The following CUBN variants were observed in gnomAD, a reference collection of about 807,000 sequenced individuals.
CUBN encodes 460 kDa receptor.
A neutral mutation model predicts 405.3 loss-of-function variants in CUBN; 282 were observed. That is an observed-to-expected ratio of 0.70 (90% confidence interval 0.63 to 0.77). The LOEUF (loss-of-function observed/expected upper bound fraction) is 0.77. CUBN is among the 30% of genes least tolerant of loss of function. The pLI, the probability that CUBN is intolerant of heterozygous loss-of-function variation, is 0.00. For missense variants in CUBN, 4,514 were observed against 4,475.2 expected (o/e 1.01, Z -0.25); for synonymous variants, 1,684 against 1,617.0 (o/e 1.04, Z -0.99).
At chr10:17,085,858 T>G in intron 15 of CUBN, 99 bp from the exon 16 acceptor site, 1 of 1,155,000 alleles carries the variant, frequency 8.7e-7, no homozygotes, top group South Asian at 1.3e-5. Context: ...CATTTAAAAG[T>G]GATCGCTCAA....
intron 45 of CUBN, among the ~76,000 whole-genome samples, chr10:16,916,392 C>A (rs1841885701): frequency 6.6e-6 from 1 of 152,190 alleles, no homozygotes; most frequent in Non-Finnish European, 1.5e-5. Context: ...ATCTGGCCTG[C>A]CTAGTACCCT....
chr10:16,835,032 G>A lies in CUBN; in HGVS notation c.10344C>T (p.Cys3448=). 6.2e-7 allele frequency: 1 copy of A among 1,614,024 alleles called. No homozygotes were observed. Among genetic ancestry groups the A allele is most frequent in the Non-Finnish European group, 8.5e-7 (1 of 1,179,904 alleles). ...HSLGIENSVE[C]RNDFLEVRNG... ...ATATCACCTCCAAGAAATCGTTTCT[G>A]CATTCAACTGAGTTCTCGATGCCAA... Residue 3448 remains cysteine (C), a synonymous_variant, in exon 64 of 67, where the codon TGC becomes TGT. Transcript: ENST00000377833.
chr10:17,008,350 G>GTGTC (rs1268846257), intron 28 of CUBN, among the ~76,000 whole-genome samples: 1 of 147,456 alleles, frequency 6.8e-6, no homozygotes, highest in Non-Finnish European at 1.5e-5. Context: ...GTGTGTGTGT[G>GTGTC]TGTGGTGTGT....
intron 4 of CUBN, among the ~76,000 whole-genome samples, chr10:17,124,176 T>C (rs2131324772): frequency 6.6e-6 from 1 of 152,288 alleles, no homozygotes; most frequent in Non-Finnish European, 1.5e-5. Flanking sequence ...TGGGTTAAGG[T>C]GACTGAACTC....
chr10:16,824,772 G>A lies in CUBN; in HGVS notation c.*203C>T, dbSNP rs769041830. 6.2e-5 allele frequency: 33 copies of A among 535,526 alleles called. No individual in the cohort carries two copies. Among genetic ancestry groups the A allele is most frequent in the Middle Eastern group, 5.0e-4 (1 of 1,988 alleles). The allele number at this position is 535,526 out of a possible 1,614,324, so 33.2% of individuals were successfully genotyped here. ...TGACCTCAGGTGATCAACCTGCCTCGGCCTCCCAAAGTGCTGAGAATACAG... is the reference window on the plus strand; with the variant it reads ...TGACCTCAGGTGATCAACCTGCCTCAGCCTCCCAAAGTGCTGAGAATACAG... On this transcript the variant is annotated 3_prime_UTR_variant, in exon 67 of 67. Transcript: ENST00000377833.
chr10:16,931,507 A>C (rs1842365005), intron 40 of CUBN, among the ~76,000 whole-genome samples: 1 of 152,172 alleles, frequency 6.6e-6, no homozygotes, highest in Non-Finnish European at 1.5e-5. Context: ...CACGCACCTG[A>C]GTTTCTTTAG....
intron 44 of CUBN, among the ~76,000 whole-genome samples, chr10:16,919,102 T>C (rs1181580979): frequency 6.6e-6 from 1 of 152,228 alleles, no homozygotes; most frequent in Non-Finnish European, 1.5e-5. Context: ...AATTAGTCCC[T>C]AGGAATTTCA....
chr10:16,896,443 T>C (rs777691743), intron 54 of CUBN, among the ~76,000 whole-genome samples: 17 of 152,314 alleles, frequency 1.1e-4, no homozygotes, highest in Non-Finnish European at 1.9e-4. Flanking sequence ...ATAAAATGTA[T>C]GGTTGACAAT....
chr10:17,127,775 A>G, intron 3 of CUBN, 54 bp downstream of exon 3: 1 of 1,324,934 alleles, frequency 7.5e-7, no homozygotes, highest in South Asian at 1.2e-5. Flanking sequence ...GGTTACTTAT[A>G]CAATAGAACT....
At chr10:17,030,540 G>T (rs1834766232) in intron 27 of CUBN, among the ~76,000 whole-genome samples, 1 of 152,148 alleles carries the variant, frequency 6.6e-6, no homozygotes, top group African/African-American at 2.4e-5. Context: ...GTAGGTAGAG[G>T]TTTAGTAATT....
At chr10:17,006,207 G>C (rs1834020633) in intron 28 of CUBN, among the ~76,000 whole-genome samples, 1 of 152,184 alleles carries the variant, frequency 6.6e-6, no homozygotes, top group South Asian at 2.1e-4. Flanking sequence ...AATATGTGCT[G>C]GATGGTTGGT....
At chr10:17,097,229 T>C (rs186134259) in intron 14 of CUBN, among the ~76,000 whole-genome samples, 1 of 152,000 alleles carries the variant, frequency 6.6e-6, no homozygotes. Context: ...ATAACATAAA[T>C]TATCAATATC....
intron 26 of CUBN, among the ~76,000 whole-genome samples, 157 bp from the exon 27 acceptor site, chr10:17,041,377 G>C (rs1181369444): frequency 1.3e-5 from 2 of 151,708 alleles, no homozygotes; most frequent in East Asian, 1.9e-4. Flanking sequence ...TACACACACA[G>C]AGACACACAC....
chr10:16,839,059 T>C (rs1839263837), intron 62 of CUBN, among the ~76,000 whole-genome samples: 1 of 152,162 alleles, frequency 6.6e-6, no homozygotes, highest in African/African-American at 2.4e-5. Context: ...ATTCAACCTA[T>C]ACATAAATCC....
In CUBN at chr10:16,916,004, G is replaced by T; in HGVS notation, c.7027C>A (p.Gln2343Lys). ...IAQCGGRVPG[Q>K]SGVVESIGHP... ...CCAATGCTTTCAACAACACCACTTT[G>T]CCCTGGTACTCTTCCCCCACACTGA... Residue 2343 changes from glutamine (Q) to lysine (K), a missense_variant, in exon 46 of 67, where the codon CAA becomes AAA. This residue lies in a region of CUBN where 1,613 missense variants were observed against 1,542.8 expected (regional missense o/e 1.05). Transcript: ENST00000377833. The T allele has an allele frequency of 6.2e-7, 1 of 1,613,978 alleles. No individual in the cohort carries two copies. Among genetic ancestry groups the T allele is most frequent in the South Asian group, 1.1e-5 (1 of 91,070 alleles).
chr10:16,917,765 T>C (rs1256024841), intron 45 of CUBN, among the ~76,000 whole-genome samples: 2 of 152,198 alleles, frequency 1.3e-5, no homozygotes, highest in Admixed American at 1.3e-4. Flanking sequence ...GTTTCAAACA[T>C]TTACACTCCT....
At chr10:16,849,133 A>T (rs1339251213) in intron 60 of CUBN, among the ~76,000 whole-genome samples, 1 of 152,286 alleles carries the variant, frequency 6.6e-6, no homozygotes, top group Non-Finnish European at 1.5e-5. Context: ...CATCCAGTGC[A>T]ATGAGGCTGT....
chr10:16,961,166 G>A (rs1393118689), intron 31 of CUBN, among the ~76,000 whole-genome samples: 1 of 148,254 alleles, frequency 6.7e-6, no homozygotes, highest in Non-Finnish European at 1.5e-5. Flanking sequence ...TGACCTCCTG[G>A]GCTCAAGGGA....
intron 39 of CUBN, among the ~76,000 whole-genome samples, chr10:16,937,349 C>A (rs1166870961): frequency 1.3e-5 from 2 of 152,182 alleles, no homozygotes; most frequent in African/African-American, 4.8e-5. Flanking sequence ...AGTAGACGAT[C>A]TTATGGATAT....
Sources: allele counts gnomAD v4.1 joint callset (sites outside exome capture counted in the v4.1 genomes callset), GRCh38; gene constraint gnomAD v4.1.1; regional missense constraint gnomAD v4.1.1; transcripts MANE v1.5; gene names NCBI Gene and HGNC (gene_info 2026-07-23, HGNC 2026-07-21).